Variants in PARG observed in about 807,000 individuals in gnomAD.
PARG encodes poly(ADP-ribose) glycohydrolase, also known as mitochondrial poly(ADP-ribose) glycohydrolase.
In PARG, 35 loss-of-function variants were observed where a neutral mutation model predicts 113.0. That is an observed-to-expected ratio of 0.31 (90% CI 0.24 to 0.41). PARG has a LOEUF of 0.41. PARG is among the 10% of genes least tolerant of loss of function. The probability of loss-of-function intolerance (pLI) is 1.00; values close to 1 mark genes in which losing one functional copy is unlikely to be tolerated. For missense variants in PARG, 797 were observed against 1,169.4 expected (o/e 0.68, Z 4.64); for synonymous variants, 330 against 409.9 (o/e 0.81, Z 2.36).
intron 7 of PARG, among the ~76,000 whole-genome samples, chr10:49,894,112 G>A (rs1480711434): frequency 6.6e-6 from 1 of 151,662 alleles, no homozygotes; most frequent in Non-Finnish European, 1.5e-5. Context: ...TTACAGGTGT[G>A]AGCCACCACA....
intron 7 of PARG, among the ~76,000 whole-genome samples, chr10:49,889,196 T>C (rs1255643462): frequency 3.0e-4 from 46 of 152,144 alleles, no homozygotes; most frequent in African/African-American, 2.9e-4. Flanking sequence ...CTGGTGTCTA[T>C]TGATGTTCAT....
At position 49,842,426 on chromosome 10, in the gene PARG, A is replaced by G. The variant is rs563722264; in HGVS notation, c.2433-368T>C. Among the ~76,000 whole-genome samples the G allele has an allele frequency of 2.0e-5, 3 of 152,344 alleles. No homozygotes were observed. In the South Asian group the frequency reaches 6.2e-4, roughly 32 times the overall value. On this transcript the variant is annotated intron_variant, in intron 14 of 17. Transcript: ENST00000616448. Reference sequence around the variant, plus strand: ...AGGACATGCCACTTGCATCCTGACAAAGCTCATTCCTCCTTTGCTTTGAGA... The same window carrying G: ...AGGACATGCCACTTGCATCCTGACAGAGCTCATTCCTCCTTTGCTTTGAGA...
At chr10:49,830,292 C>A (rs1473043827) in intron 16 of PARG, among the ~76,000 whole-genome samples, 1 of 152,090 alleles carries the variant, frequency 6.6e-6, no homozygotes, top group African/African-American at 2.4e-5. Flanking sequence ...AAGAGAAAGA[C>A]AGGAAAAAAG....
chr10:49,857,553 G>C (rs1554835288), intron 12 of PARG, 100 bp from the exon 13 acceptor site: 1 of 614,302 alleles, frequency 1.6e-6, no homozygotes. Flanking sequence ...CCTCTCCCAT[G>C]AAAATCAATC....
In PARG at chr10:49,842,072, G is replaced by GA. The variant is rs782366002; in HGVS notation, c.2433-15dup. 5.3e-6 allele frequency: 8 copies of GA among 1,515,392 alleles called. No individual in the cohort carries two copies. In the South Asian group the frequency reaches 9.6e-5, roughly 18 times the overall value. The allele number at this position is 1,515,392 out of a possible 1,614,324, so 93.9% of individuals were successfully genotyped here. On this transcript the variant is annotated splice_polypyrimidine_tract_variant and intron_variant, in intron 14 of 17. Coordinates refer to ENST00000616448, the MANE Select transcript of PARG (RefSeq NM_003631.5). ...TGCCAGTCGTCCCTGGGACAGGAAG[G>GA]AAAGGGGAGAAAAGATAAGGAACAG...
intron 7 of PARG, among the ~76,000 whole-genome samples, chr10:49,915,110 CA>C (rs1837395621): frequency 7.1e-6 from 1 of 141,760 alleles, no homozygotes; most frequent in East Asian, 2.0e-4. Context: ...ATCCCGAAAA[CA>C]GAAGAAAAAA....
At chr10:49,835,385 A>G (rs1844864374) in intron 15 of PARG, among the ~76,000 whole-genome samples, 1 of 152,096 alleles carries the variant, frequency 6.6e-6, no homozygotes. Context: ...CTAATCAACA[A>G]CTCAGAAGGG....
chr10:49,856,931 C>T (rs1269022986), intron 13 of PARG, among the ~76,000 whole-genome samples: 2 of 148,984 alleles, frequency 1.3e-5, no homozygotes, highest in Non-Finnish European at 3.0e-5. Flanking sequence ...ATCGCTTGAA[C>T]CTGGGAGGAG....
intron 2 of PARG, among the ~76,000 whole-genome samples, 182 bp from the exon 3 acceptor site, chr10:49,934,345 G>T (rs1838639995): frequency 6.6e-6 from 1 of 152,002 alleles, no homozygotes; most frequent in African/African-American, 2.4e-5. Flanking sequence ...CTGTGTGTCT[G>T]GCAAACACCC....
At chr10:49,834,369 G>C (rs1324068439) in intron 15 of PARG, among the ~76,000 whole-genome samples, 3 of 152,154 alleles carry the variant, frequency 2.0e-5, no homozygotes, top group African/African-American at 7.2e-5. Context: ...ATACTATCAG[G>C]ATGGTTTTAG....
At chr10:49,884,117 G>GCTGA (rs1320191357) in intron 8 of PARG, among the ~76,000 whole-genome samples, 14 of 151,360 alleles carry the variant, frequency 9.2e-5, no homozygotes, top group African/African-American at 3.4e-4. Context: ...TGAAACCCTG[G>GCTGA]CTGACATCCT....
At chr10:49,904,514 C>A (rs1462274827) in intron 7 of PARG, among the ~76,000 whole-genome samples, 1 of 151,766 alleles carries the variant, frequency 6.6e-6, no homozygotes. Flanking sequence ...AGCAAATGAA[C>A]CACTCTGGTG....
At chr10:49,827,782 G>C (rs1470966627) in intron 16 of PARG, among the ~76,000 whole-genome samples, 4 of 137,006 alleles carry the variant, frequency 2.9e-5, no homozygotes, top group Admixed American at 7.0e-5. Flanking sequence ...CAGCAAAAGA[G>C]TAAGTCTTAT....
intron 4 of PARG, among the ~76,000 whole-genome samples, chr10:49,925,332 C>T (rs1453648615): frequency 6.6e-6 from 1 of 152,106 alleles, no homozygotes; most frequent in Non-Finnish European, 1.5e-5. Context: ...CTTTAGAAAC[C>T]CTTCTTAACC....
At chr10:49,838,265 T>C (rs1554831505) in intron 15 of PARG, among the ~76,000 whole-genome samples, 1 of 151,764 alleles carries the variant, frequency 6.6e-6, no homozygotes, top group African/African-American at 2.4e-5. Context: ...ACCCCGTCTC[T>C]AATTAAAAAT....
rs868930572 is a variant in PARG, at chr10:49,870,169, G to C, written c.1989-614C>G. ...AATTTGGAGATAGGGCCTGTGAGCA[G>C]GTAGTAACAGTTAAATGAGGTCATA... On this transcript the variant is annotated intron_variant, in intron 9 of 17. Transcript: ENST00000616448. 4.5e-3 allele frequency among the ~76,000 whole-genome samples: 683 copies of C among 151,048 alleles called. 3 individuals carry two copies. The highest frequency in any genetic ancestry group is 7.8e-3 in the Admixed American group (118 of 15,144).
intron 7 of PARG, among the ~76,000 whole-genome samples, chr10:49,898,910 G>A (rs1329183730): frequency 6.6e-6 from 1 of 152,016 alleles, no homozygotes; most frequent in Non-Finnish European, 1.5e-5. Flanking sequence ...AGACACTTAA[G>A]ACTTTCTGCT....
intron 10 of PARG, among the ~76,000 whole-genome samples, chr10:49,868,276 C>T (rs1554837270): frequency 6.6e-6 from 1 of 152,204 alleles, no homozygotes; most frequent in African/African-American, 2.4e-5. Context: ...CGTGAGCCAC[C>T]GTGCCTGGCC....
intron 7 of PARG, among the ~76,000 whole-genome samples, chr10:49,888,029 C>A (rs181506984): frequency 9.9e-5 from 15 of 152,170 alleles, no homozygotes; most frequent in Admixed American, 9.2e-4. Context: ...CTGACTGCAT[C>A]TCTTTGAATA....
Sources: gnomAD v4.1 joint callset for allele counts (sites outside exome capture counted in the v4.1 genomes callset) on GRCh38, gnomAD v4.1.1 for gene constraint, MANE v1.5 for transcripts, NCBI Gene and HGNC (gene_info 2026-07-23, HGNC 2026-07-21) for gene names.